The following MINDY3 variants were observed in gnomAD, a reference collection of about 807,000 sequenced individuals.
The protein encoded by MINDY3 is MINDY lysine 48 deubiquitinase 3, also known as ubiquitin carboxyl-terminal hydrolase MINDY-3.
A neutral mutation model predicts 69.2 loss-of-function variants in MINDY3; 38 were observed. That is an observed-to-expected ratio of 0.55 (90% CI 0.42 to 0.72). The LOEUF is 0.72. Among genes scored for constraint, MINDY3 ranks in the 30% least tolerant of loss-of-function variants. The pLI is 0.00. For missense variants in MINDY3, 522 were observed against 519.0 expected, an observed-to-expected ratio of 1.01 and a Z score of -0.06; for synonymous variants, 192 against 180.1, an observed-to-expected ratio of 1.07 and a Z score of -0.53.
intron 10 of MINDY3, among the ~76,000 whole-genome samples, chr10:15,808,888 C>T (rs1438872918): frequency 6.6e-6 from 1 of 152,116 alleles, no homozygotes; most frequent in African/African-American, 2.4e-5. Flanking sequence ...AAACTAGATG[C>T]TATAGGCAGG....
At chr10:15,837,350 C>A (rs1370645694) in intron 5 of MINDY3, 32 bp from the exon 6 acceptor site, 11 of 1,471,060 alleles carry the variant, frequency 7.5e-6, no homozygotes, top group Non-Finnish European at 1.0e-5. Context: ...GTATTGGTAT[C>A]ATGATGAGAT....
intron 10 of MINDY3, among the ~76,000 whole-genome samples, chr10:15,814,958 CA>C (rs1839254388): frequency 6.6e-6 from 1 of 152,142 alleles, no homozygotes; most frequent in Admixed American, 6.6e-5. Flanking sequence ...ACTGTTCTGA[CA>C]ACAAAATCAT....
At chr10:15,789,349 AAATAAGAATTTACTTC>A in intron 11 of MINDY3, 30 bp from the exon 12 acceptor site, 1 of 1,551,496 alleles carries the variant, frequency 6.4e-7, no homozygotes, top group Non-Finnish European at 8.9e-7. Context: ...AAACAACTTG[AAATAAGAATTTACTTC>A]AAGAAATGCT....
intron 14 of MINDY3, among the ~76,000 whole-genome samples, chr10:15,781,882 GA>G (rs1836559770): frequency 6.6e-6 from 1 of 152,128 alleles, no homozygotes; most frequent in Non-Finnish European, 1.5e-5. Context: ...TGTTGATTTA[GA>G]AACACGCTAC....
At chr10:15,845,252 T>C (rs1425861265) in intron 2 of MINDY3, among the ~76,000 whole-genome samples, 1 of 151,430 alleles carries the variant, frequency 6.6e-6, no homozygotes, top group African/African-American at 2.4e-5. Context: ...CTGATCTTAG[T>C]TCCTTCTTTA....
chr10:15,831,860 G>A (rs1478863183), intron 8 of MINDY3, among the ~76,000 whole-genome samples: 1 of 152,002 alleles, frequency 6.6e-6, no homozygotes, highest in Non-Finnish European at 1.5e-5. Context: ...ATTTCTAGTA[G>A]AGACGGGGTT....
chr10:15,846,515 C>T (rs1303790263), intron 2 of MINDY3, among the ~76,000 whole-genome samples: 1 of 151,904 alleles, frequency 6.6e-6, no homozygotes, highest in Non-Finnish European at 1.5e-5. Flanking sequence ...TTCAGACATT[C>T]AAATTTTTCC....
intron 11 of MINDY3, among the ~76,000 whole-genome samples, chr10:15,794,895 T>A (rs1317850208): frequency 6.6e-6 from 1 of 152,082 alleles, no homozygotes. Context: ...GGCTCCTATG[T>A]CTGCTCTGAA....
intron 13 of MINDY3, among the ~76,000 whole-genome samples, chr10:15,783,099 G>T (rs1836674949): frequency 6.6e-6 from 1 of 152,122 alleles, no homozygotes; most frequent in African/African-American, 2.4e-5. Context: ...ACAGCTGCTG[G>T]CAACTGGAGC....
At chr10:15,795,780 G>C (rs1837773471) in intron 11 of MINDY3, among the ~76,000 whole-genome samples, 1 of 151,904 alleles carries the variant, frequency 6.6e-6, no homozygotes, top group African/African-American at 2.4e-5. Context: ...TATTCGTTTG[G>C]ATAAGTAAAG....
intron 10 of MINDY3, among the ~76,000 whole-genome samples, chr10:15,814,296 CATCTCAAACA>C (rs1406234826): frequency 6.6e-6 from 1 of 151,944 alleles, no homozygotes; most frequent in Non-Finnish European, 1.5e-5. Context: ...TTAAAGGTAA[CATCTCAAACA>C]ATCCAAATTT....
Position 15,851,988 on chromosome 10 carries a change from C to A in MINDY3, c.95-4045G>T, listed in dbSNP as rs567301069. 3.3e-5 allele frequency among the ~76,000 whole-genome samples: 5 copies of A among 152,218 alleles called. No homozygotes were observed. The East Asian group carries it at 7.7e-4, about 24-fold the overall frequency. On this transcript the variant is annotated intron_variant, in intron 1 of 14. Coordinates refer to ENST00000277632, the MANE Select transcript of MINDY3 (RefSeq NM_024948.4). ...GCCTCAATGCTCACTGTTCTCTCTA[C>A]ATAAAAATGCTCTTTCCGCTACTCT...
At chr10:15,852,785 T>C (rs1244558195) in intron 1 of MINDY3, among the ~76,000 whole-genome samples, 1 of 152,152 alleles carries the variant, frequency 6.6e-6, no homozygotes, top group Non-Finnish European at 1.5e-5. Flanking sequence ...TGGCCGTTCA[T>C]ATCCATAGGT....
chr10:15,840,016 G>A (rs1404729603), intron 4 of MINDY3, among the ~76,000 whole-genome samples: 1 of 151,592 alleles, frequency 6.6e-6, no homozygotes, highest in East Asian at 1.9e-4. Flanking sequence ...TTCATAGTAT[G>A]CACTCAGTAT....
At chr10:15,787,137 A>G (rs988537556) in intron 12 of MINDY3, among the ~76,000 whole-genome samples, 1 of 152,186 alleles carries the variant, frequency 6.6e-6, no homozygotes, top group South Asian at 2.1e-4. Context: ...GCAGCTTAAA[A>G]TTCATAGACA....
Position 15,860,372 on chromosome 10 carries a change from A to C in MINDY3, c.-73T>G. 9.1e-7 allele frequency: 1 copy of C among 1,101,336 alleles called. No individual in the cohort carries two copies. The highest frequency in any genetic ancestry group is 1.3e-5 in the South Asian group (1 of 74,830). 68.2% of individuals were successfully genotyped at this position (1,101,336 alleles called of 1,614,324 possible). A position where few individuals can be genotyped will look rare whatever the true frequency, so the allele number is the denominator to read the frequency against. ...GAACATGGGGAAGGGGCAACTCCGGAAACAGCAGCTGCGGGACGGCGGCGG... is the reference window on the plus strand; with the variant it reads ...GAACATGGGGAAGGGGCAACTCCGGCAACAGCAGCTGCGGGACGGCGGCGG... On this transcript the variant is annotated 5_prime_UTR_variant, in exon 1 of 15. Coordinates refer to ENST00000277632, the MANE Select transcript of MINDY3 (RefSeq NM_024948.4).
intron 11 of MINDY3, among the ~76,000 whole-genome samples, chr10:15,789,967 T>A (rs972864639): frequency 6.6e-6 from 1 of 152,156 alleles, no homozygotes; most frequent in Non-Finnish European, 1.5e-5. Flanking sequence ...GTGGGGTAGT[T>A]TGAAATGAGA....
intron 2 of MINDY3, among the ~76,000 whole-genome samples, chr10:15,844,402 C>T (rs902910435): frequency 6.6e-6 from 1 of 152,110 alleles, no homozygotes; most frequent in Non-Finnish European, 1.5e-5. Flanking sequence ...TTTTGACATG[C>T]TTCCTTCCCA....
At chr10:15,829,113 A>G (rs779134242) in intron 8 of MINDY3, among the ~76,000 whole-genome samples, 4 of 152,202 alleles carry the variant, frequency 2.6e-5, no homozygotes, top group Non-Finnish European at 4.4e-5. Context: ...CTATGATGCG[A>G]GGTGTAATAG....
Sources: allele counts gnomAD v4.1 joint callset (sites outside exome capture counted in the v4.1 genomes callset), GRCh38; gene constraint gnomAD v4.1.1; transcripts MANE v1.5; gene names NCBI Gene and HGNC (gene_info 2026-07-23, HGNC 2026-07-21).